Variants in NLRP5 observed in about 807,000 individuals in gnomAD.
NLRP5 encodes the protein NLR family pyrin domain containing 5.
A neutral mutation model predicts 113.1 loss-of-function variants in NLRP5; 93 were observed. The ratio of observed to expected loss-of-function variants is 0.82; its 90% CI spans 0.70 to 0.98. The LOEUF (loss-of-function observed/expected upper bound fraction) is 0.98, where lower values mean the gene tolerates loss of function less well. Ranked by LOEUF, NLRP5 falls within the 50% of genes least tolerant of loss-of-function variation. The pLI is 0.00. For missense variants in NLRP5, 1,808 were observed against 1,514.3 expected (o/e 1.19, Z -3.22); for synonymous variants, 751 against 600.7 (o/e 1.25, Z -3.66).
intron 2 of NLRP5, among the ~76,000 whole-genome samples, chr19:56,005,052 C>T (rs143770926): frequency 0.071 from 10,482 of 147,364 alleles, 428 homozygotes; most frequent in African/African-American, 0.094. Flanking sequence ...CGAGATTATG[C>T]CACTGCACTC....
chr19:56,011,673 T>C (rs1982197146), intron 3 of NLRP5, among the ~76,000 whole-genome samples: 1 of 151,534 alleles, frequency 6.6e-6, no homozygotes, highest in African/African-American at 2.4e-5. Context: ...GTGTTAGATC[T>C]TTTTTCTTTT....
chr19:56,018,078 A>C (rs556502088), intron 4 of NLRP5, among the ~76,000 whole-genome samples: 1 of 152,216 alleles, frequency 6.6e-6, no homozygotes, highest in Non-Finnish European at 1.5e-5. Flanking sequence ...GTATATACAC[A>C]ATGGGTTATT....
At chr19:56,001,077 T>C (rs2057028604) in intron 1 of NLRP5, among the ~76,000 whole-genome samples, 2 of 151,476 alleles carry the variant, frequency 1.3e-5, no homozygotes, top group Admixed American at 1.3e-4. Context: ...ATCCCAACAC[T>C]TTGGGAGGCC....
At chr19:56,011,835 A>ATG (rs1982204680) in intron 3 of NLRP5, among the ~76,000 whole-genome samples, 1 of 151,264 alleles carries the variant, frequency 6.6e-6, no homozygotes, top group Non-Finnish European at 1.5e-5. Flanking sequence ...GGGATTACAC[A>ATG]CGCGCGCCAC....
In NLRP5 at chr19:56,015,651, A is replaced by G. The variant is rs1052069073; in HGVS notation, c.509-91A>G. The G allele has an allele frequency of 5.6e-6, 6 of 1,063,330 alleles. No individual in the cohort carries two copies. In the African/African-American group the frequency reaches 6.3e-5, roughly 11 times the overall value. 65.9% of individuals were successfully genotyped at this position (1,063,330 alleles called of 1,614,324 possible). A position where few individuals can be genotyped will look rare whatever the true frequency, so the allele number is the denominator to read the frequency against. ...AACTGGTCAGAAAATTAACTATGGCATGACTAAGTTTATCTGGGGTGTCCA... is the reference window on the plus strand; with the variant it reads ...AACTGGTCAGAAAATTAACTATGGCGTGACTAAGTTTATCTGGGGTGTCCA... On this transcript the variant is annotated intron_variant, in intron 3 of 14. Coordinates refer to ENST00000390649, the MANE Select transcript of NLRP5 (RefSeq NM_153447.4).
At chr19:56,060,749 C>T (rs576380104) in intron 14 of NLRP5, among the ~76,000 whole-genome samples, 5 of 152,094 alleles carry the variant, frequency 3.3e-5, no homozygotes, top group East Asian at 1.9e-4. Flanking sequence ...TACTTTTATT[C>T]TATAGGGAAC....
intron 2 of NLRP5, 81 bp downstream of exon 2, chr19:56,004,176 T>G: frequency 1.4e-6 from 2 of 1,432,290 alleles, no homozygotes; most frequent in Admixed American, 2.2e-5. Context: ...GAATCGTTGT[T>G]CAGTAACCGG....
chr19:56,021,629 C>T (rs539408126), intron 6 of NLRP5, among the ~76,000 whole-genome samples: 2 of 152,256 alleles, frequency 1.3e-5, no homozygotes, highest in African/African-American at 4.8e-5. Flanking sequence ...TTCCAAAGCC[C>T]GTGTTCCAGT....
rs376033600 is a variant in NLRP5, at chr19:56,038,109, C to T, written c.2700C>T (p.Ser900=). The T allele has an allele frequency of 9.9e-6, 16 of 1,613,884 alleles. No individual in the cohort carries two copies. The African/African-American group carries it at 1.6e-4, about 16-fold the overall frequency. The change falls in exon 10 of 15, where the codon AGC becomes AGT. Residue 900 remains serine, a synonymous_variant. Transcript: ENST00000390649. Reference sequence around the variant, plus strand: ...CCTCCCCCAGCCTGAAATCTCTGAGCCTGGCAGGAAACAAGGTGACAGACC... The same window carrying T: ...CCTCCCCCAGCCTGAAATCTCTGAGTCTGGCAGGAAACAAGGTGACAGACC...
chr19:56,061,387 C>T lies in NLRP5; in HGVS notation c.3471-9C>T. On this transcript the variant is annotated splice_polypyrimidine_tract_variant and intron_variant, in intron 14 of 14. Transcript: ENST00000390649. ...ATCTCAGTAACGAGTCCTCTCTCTGCCTCCCCAGGCTGTGGAAATGGCAGT... is the reference window on the plus strand; with the variant it reads ...ATCTCAGTAACGAGTCCTCTCTCTGTCTCCCCAGGCTGTGGAAATGGCAGT... The T allele has an allele frequency of 1.2e-6, 2 of 1,612,528 alleles. No individual in the cohort carries two copies. Among genetic ancestry groups the T allele is most frequent in the Admixed American group, 1.7e-5 (1 of 59,818 alleles).
At chr19:56,043,602 G>C (rs1220256663) in intron 11 of NLRP5, among the ~76,000 whole-genome samples, 6 of 124,580 alleles carry the variant, frequency 4.8e-5, no homozygotes, top group Admixed American at 3.0e-4. Context: ...GTCTCGCTCT[G>C]TCGCCCAGGC....
At chr19:55,997,787 C>T (rs554686103), upstream of NLRP5, among the ~76,000 whole-genome samples, 12 of 152,014 alleles carry the variant, frequency 7.9e-5, no homozygotes, top group South Asian at 2.5e-3. Flanking sequence ...CACTTGACCC[C>T]AGAAGGCAGC....
At chr19:56,018,489 T>G (rs1434500370) in intron 4 of NLRP5, 1 of 152,208 alleles carries the variant, frequency 6.6e-6, no homozygotes, top group African/African-American at 2.4e-5. Context: ...TTTCTTTGCT[T>G]TTCTAGATGA....
At chr19:56,006,426 T>TA (rs1568482305) in intron 2 of NLRP5, among the ~76,000 whole-genome samples, 6 of 138,430 alleles carry the variant, frequency 4.3e-5, no homozygotes, top group African/African-American at 1.7e-4. Context: ...AAGTATAATT[T>TA]TAAAAAAAAA....
intron 9 of NLRP5, among the ~76,000 whole-genome samples, chr19:56,037,321 C>G (rs1983353392): frequency 6.6e-6 from 1 of 152,134 alleles, no homozygotes; most frequent in South Asian, 2.1e-4. Context: ...GAGAACAAAG[C>G]AACCAGGCCT....
chr19:56,052,235 GGTTTT>G (rs199544893), intron 12 of NLRP5, among the ~76,000 whole-genome samples: 9,387 of 151,612 alleles, frequency 0.062, 359 homozygotes, highest in East Asian at 0.2. Context: ...GTTTTGGTGG[GGTTTT>G]GTTTTGTTTT....
intron 9 of NLRP5, among the ~76,000 whole-genome samples, chr19:56,036,046 T>C (rs1983298255): frequency 6.7e-6 from 1 of 148,818 alleles, no homozygotes; most frequent in South Asian, 2.1e-4. Flanking sequence ...TGCTGATGAA[T>C]GAATTGAGAT....
the NLRP5 span, among the ~76,000 whole-genome samples, chr19:55,994,216 T>A: frequency 6.6e-6 from 1 of 152,302 alleles, no homozygotes; most frequent in African/African-American, 2.4e-5. Flanking sequence ...TGAGTAATGT[T>A]GAATCTTTTT....
At chr19:56,055,907 A>G (rs1021437888) in intron 13 of NLRP5, among the ~76,000 whole-genome samples, 6 of 152,098 alleles carry the variant, frequency 3.9e-5, no homozygotes, top group African/African-American at 1.4e-4. Flanking sequence ...GTGTCCACCT[A>G]CAAACACTCC....
Sources: gnomAD v4.1 joint callset for allele counts (sites outside exome capture counted in the v4.1 genomes callset) on GRCh38, gnomAD v4.1.1 for gene constraint, MANE v1.5 for transcripts, NCBI Gene and HGNC (gene_info 2026-07-23, HGNC 2026-07-21) for gene names.